NAA25: variants seen among roughly 807,000 people sequenced by gnomAD.
NAA25 encodes the protein N-terminal acetyltransferase B complex subunit NAA25.
In NAA25, 30 loss-of-function variants were observed where a neutral mutation model predicts 132.5. That is an observed-to-expected ratio of 0.23 (90% CI 0.17 to 0.31). The LOEUF is 0.31. NAA25 is among the 10% of genes least tolerant of loss of function. NAA25 has a pLI of 1.00. For missense variants in NAA25, 771 were observed against 1,150.4 expected (o/e 0.67, Z 4.77); for synonymous variants, 359 against 401.9 (o/e 0.89, Z 1.28).
chr12:112,084,107 G>A (rs191171192), intron 4 of NAA25, among the ~76,000 whole-genome samples: 80 of 152,250 alleles, frequency 5.3e-4, no homozygotes, highest in Non-Finnish European at 9.3e-4. Context: ...ATGGATCTAA[G>A]TTGGTGACTC....
rs759544714 is a variant in NAA25 at position 112,029,582 on chromosome 12, C to T, written c.2868G>A (p.Met956Ile). 6 of 1,614,004 alleles carry T rather than the reference C, an allele frequency of 3.7e-6. No homozygotes were observed. The highest frequency in any genetic ancestry group is 4.2e-6 in the Non-Finnish European group (5 of 1,179,974). Residue 956 changes from methionine (M) to isoleucine (I), a missense_variant, in exon 24 of 24, where the codon ATG becomes ATA. Physicochemically the swap from Met to Ile is conservative, Grantham distance 10. Coordinates refer to ENST00000261745, the MANE Select transcript of NAA25 (RefSeq NM_024953.4). The part of the protein sequence containing the change: ...QSSYLHSLLE[M>I]GELLKKRLET... ...CAAGTCTTTTTTTCAGCAGCTCCCCCATTTCCAGAAGTGAGTGCAGATAAC... is the reference window on the plus strand; with the variant it reads ...CAAGTCTTTTTTTCAGCAGCTCCCCTATTTCCAGAAGTGAGTGCAGATAAC...
At chr12:112,069,181 T>C in intron 10 of NAA25, 189 bp from the exon 11 acceptor site, 1 of 527,320 alleles carries the variant, frequency 1.9e-6, no homozygotes, top group East Asian at 3.3e-5. Context: ...TCTTTCCCCC[T>C]TTTCACCACT....
At chr12:112,095,330 G>A (rs908675293) in intron 1 of NAA25, among the ~76,000 whole-genome samples, 26 of 151,850 alleles carry the variant, frequency 1.7e-4, no homozygotes, top group Non-Finnish European at 3.1e-4. Context: ...CCAGCTACTC[G>A]TGAGGCTGAG....
intron 22 of NAA25, chr12:112,035,025 T>C (rs916893852): frequency 1.3e-5 from 2 of 152,130 alleles, no homozygotes; most frequent in African/African-American, 4.8e-5. Flanking sequence ...ATGTCCAAGA[T>C]ACCCTGTTAT....
chr12:112,036,674 C>A (rs2078227005), intron 22 of NAA25, among the ~76,000 whole-genome samples: 1 of 151,890 alleles, frequency 6.6e-6, no homozygotes, highest in Admixed American at 6.6e-5. Flanking sequence ...CATGGCAAAA[C>A]CTCATCTCTA....
At chr12:112,080,993 C>A in intron 5 of NAA25, 67 bp downstream of exon 5, 1 of 1,327,220 alleles carries the variant, frequency 7.5e-7, no homozygotes, top group Admixed American at 1.7e-5. Flanking sequence ...TCAGAAGACA[C>A]ACTGAGGACA....
intron 5 of NAA25, among the ~76,000 whole-genome samples, chr12:112,079,249 AAAC>A (rs2078936520): frequency 6.6e-6 from 1 of 152,200 alleles, no homozygotes; most frequent in South Asian, 2.1e-4. Context: ...TAACCCTTGT[AAAC>A]AACCTTTCAA....
chr12:112,098,106 C>CA (rs1451291475), intron 1 of NAA25, among the ~76,000 whole-genome samples: 2 of 103,578 alleles, frequency 1.9e-5, no homozygotes, highest in African/African-American at 7.9e-5. Context: ...GGCAACAGAG[C>CA]AAGACTCCAT....
chr12:112,081,878 C>T (rs193214633), intron 4 of NAA25, among the ~76,000 whole-genome samples: 98 of 152,266 alleles, frequency 6.4e-4, no homozygotes, highest in Middle Eastern at 3.4e-3. Flanking sequence ...ATTCAAAGAT[C>T]GCGTCCCTGT....
intron 11 of NAA25, among the ~76,000 whole-genome samples, chr12:112,067,809 C>T (rs1474000213): frequency 6.6e-6 from 1 of 152,192 alleles, no homozygotes; most frequent in African/African-American, 2.4e-5. Context: ...GATCTCAGAT[C>T]ACTGCAACCT....
chr12:112,096,684 T>C (rs2136938481), intron 1 of NAA25, among the ~76,000 whole-genome samples: 1 of 152,304 alleles, frequency 6.6e-6, no homozygotes, highest in South Asian at 2.1e-4. Context: ...TTTTCTTAAA[T>C]CCTTAGCTGA....
Position 112,033,254 on chromosome 12 carries a change from T to G in NAA25, c.2775A>C (p.Leu925Phe). 1 of 1,608,300 alleles carries G rather than the reference T, an allele frequency of 6.2e-7. No individual in the cohort carries two copies. Among genetic ancestry groups the G allele is most frequent in the Non-Finnish European group, 8.5e-7 (1 of 1,178,008 alleles). ...LIALKLEELILEDTSLSPEER... is the reference protein window; with the variant it reads ...LIALKLEELIFEDTSLSPEER... ...TTACCGGTGAGAGAGAAGTGTCTTC[T>G]AAAATAAGTTCTTCAAGTTTAAGTG... Residue 925 changes from leucine (L) to phenylalanine (F), a missense_variant, in exon 23 of 24, where the codon TTA becomes TTC. By Grantham distance (22) the Leu-to-Phe change is conservative. Around this residue, in one of 3 missense-constraint regions of NAA25, gnomAD observed 324 missense variants for 400.0 expected, o/e 0.81. Transcript: ENST00000261745.
chr12:112,063,456 CAG>C (rs2078667076), intron 11 of NAA25, among the ~76,000 whole-genome samples: 1 of 152,146 alleles, frequency 6.6e-6, no homozygotes, highest in South Asian at 2.1e-4. Context: ...TAGCTGAAAA[CAG>C]GGGAATAAAG....
intron 11 of NAA25, among the ~76,000 whole-genome samples, chr12:112,067,461 C>G (rs1277813679): frequency 6.6e-6 from 1 of 152,132 alleles, no homozygotes; most frequent in African/African-American, 2.4e-5. Context: ...GTACTACCAG[C>G]AATTTGAAAG....
chr12:112,068,607 T>G (rs2078753845), intron 11 of NAA25, among the ~76,000 whole-genome samples: 1 of 151,840 alleles, frequency 6.6e-6, no homozygotes, highest in Non-Finnish European at 1.5e-5. Flanking sequence ...GTGTTATTTC[T>G]TCCAATTACA....
intron 1 of NAA25, among the ~76,000 whole-genome samples, chr12:112,096,227 A>T (rs1200475486): frequency 6.6e-6 from 1 of 152,216 alleles, no homozygotes. Context: ...TATAAATGGG[A>T]AAACAGTACA....
intron 13 of NAA25, among the ~76,000 whole-genome samples, chr12:112,059,204 G>A (rs894003472): frequency 2.0e-5 from 3 of 150,390 alleles, no homozygotes; most frequent in Non-Finnish European, 4.4e-5. Flanking sequence ...CCCAGGAGGC[G>A]GAGGTTGCAG....
intron 17 of NAA25, 113 bp downstream of exon 17, chr12:112,047,552 A>T: frequency 7.7e-7 from 1 of 1,306,826 alleles, no homozygotes; most frequent in Non-Finnish European, 1.1e-6. Context: ...CTTTAAAAAT[A>T]AACTGCTTCA....
intron 19 of NAA25, among the ~76,000 whole-genome samples, chr12:112,042,843 AAATG>A (rs2078321266): frequency 6.6e-6 from 1 of 152,226 alleles, no homozygotes; most frequent in African/African-American, 2.4e-5. Flanking sequence ...GCCTTTCAAC[AAATG>A]AAGAATTTCT....
Sources: gnomAD v4.1 joint callset for allele counts (sites outside exome capture counted in the v4.1 genomes callset) on GRCh38, gnomAD v4.1.1 for gene constraint, gnomAD v4.1.1 regional missense constraint, MANE v1.5 for transcripts, NCBI Gene and HGNC (gene_info 2026-07-23, HGNC 2026-07-21) for gene names.